The following ZNF804B variants were observed in gnomAD, a reference collection of about 807,000 sequenced individuals.
ZNF804B encodes the protein zinc finger 804B.
A neutral mutation model predicts 101.4 loss-of-function variants in ZNF804B; 80 were observed. The ratio of observed to expected loss-of-function variants is 0.79; its 90% confidence interval spans 0.66 to 0.95. The LOEUF (loss-of-function observed/expected upper bound fraction) is 0.95, where lower values mean the gene tolerates loss of function less well. Ranked by LOEUF, ZNF804B falls within the 40% of genes least tolerant of loss-of-function variation. The pLI is 0.00. For missense variants in ZNF804B, 1,673 were observed against 1,561.9 expected (o/e 1.07, Z -1.20); for synonymous variants, 622 against 558.8 (o/e 1.11, Z -1.59).
intron 1 of ZNF804B, among the ~76,000 whole-genome samples, chr7:89,093,220 T>C (rs1789922032): frequency 1.3e-5 from 2 of 152,184 alleles, no homozygotes; most frequent in South Asian, 4.1e-4. Context: ...AAATGATGCT[T>C]TTAAAACTGC....
intron 1 of ZNF804B, among the ~76,000 whole-genome samples, chr7:89,207,443 T>A (rs1195118613): frequency 1.3e-5 from 2 of 152,120 alleles, no homozygotes; most frequent in African/African-American, 4.8e-5. Flanking sequence ...TTCACTATCA[T>A]GAGAACAGCA....
intron 2 of ZNF804B, among the ~76,000 whole-genome samples, chr7:89,297,209 A>G (rs1457261755): frequency 2.6e-5 from 4 of 151,982 alleles, no homozygotes; most frequent in African/African-American, 9.7e-5. Context: ...ATGGCTTCCT[A>G]CTAAGTTCAA....
At chr7:89,303,562 T>G (rs1194245281) in intron 2 of ZNF804B, among the ~76,000 whole-genome samples, 2 of 151,954 alleles carry the variant, frequency 1.3e-5, no homozygotes, top group African/African-American at 4.8e-5. Context: ...CCAACATCTC[T>G]TAGCCTCAGT....
intron 1 of ZNF804B, among the ~76,000 whole-genome samples, chr7:88,793,914 T>C (rs576632120): frequency 1.3e-5 from 2 of 152,210 alleles, no homozygotes; most frequent in East Asian, 3.9e-4. Context: ...AAGTGTCAAT[T>C]CATGAAAATG....
chr7:88,764,998 C>T (rs1789958627), intron 1 of ZNF804B, among the ~76,000 whole-genome samples: 1 of 152,062 alleles, frequency 6.6e-6, no homozygotes, highest in Admixed American at 6.6e-5. Flanking sequence ...GCCTTTACAG[C>T]CATTTCTTCT....
chr7:89,090,117 C>T (rs1789860852), intron 1 of ZNF804B, among the ~76,000 whole-genome samples: 1 of 152,020 alleles, frequency 6.6e-6, no homozygotes, highest in Admixed American at 6.6e-5. Flanking sequence ...GCTTTCTCTT[C>T]CCATCATCAT....
intron 1 of ZNF804B, among the ~76,000 whole-genome samples, chr7:89,000,536 A>G (rs1301116491): frequency 6.6e-6 from 1 of 151,982 alleles, no homozygotes; most frequent in East Asian, 1.9e-4. Context: ...TGAATTAATC[A>G]AATTAGTTTA....
intron 1 of ZNF804B, among the ~76,000 whole-genome samples, chr7:89,024,699 T>G: frequency 7.3e-6 from 1 of 137,144 alleles, no homozygotes; most frequent in Non-Finnish European, 1.5e-5. Flanking sequence ...ATTAAGAGAG[T>G]ATCCAGTCCT....
chr7:88,858,618 A>G (rs1050429959), intron 1 of ZNF804B, among the ~76,000 whole-genome samples: 4 of 152,186 alleles, frequency 2.6e-5, no homozygotes, highest in Non-Finnish European at 4.4e-5. Context: ...CAGAATGAAC[A>G]TACTGGGGTA....
chr7:89,165,851 TGA>T (rs138608683), intron 1 of ZNF804B, among the ~76,000 whole-genome samples: 4,344 of 152,168 alleles, frequency 0.029, 78 homozygotes, highest in Non-Finnish European at 0.041. Flanking sequence ...AGAAAAGAAA[TGA>T]GAGAGTTTCT....
At chr7:89,006,267 C>A (rs1415419544) in intron 1 of ZNF804B, among the ~76,000 whole-genome samples, 3 of 151,968 alleles carry the variant, frequency 2.0e-5, no homozygotes, top group Non-Finnish European at 4.4e-5. Context: ...TTAAAAAAAT[C>A]TTTTAGACCA....
At chr7:88,864,156 ATTTG>A (rs1791691120) in intron 1 of ZNF804B, among the ~76,000 whole-genome samples, 1 of 152,050 alleles carries the variant, frequency 6.6e-6, no homozygotes. Context: ...ATTTTCTCGT[ATTTG>A]TTTGTTTTTA....
intron 1 of ZNF804B, among the ~76,000 whole-genome samples, chr7:88,865,530 T>C (rs547960977): frequency 6.6e-6 from 1 of 152,244 alleles, no homozygotes; most frequent in South Asian, 2.1e-4. Context: ...AGACCCTGTT[T>C]CTTCAAAATA....
intron 2 of ZNF804B, among the ~76,000 whole-genome samples, chr7:89,239,548 T>G (rs1789334672): frequency 6.6e-6 from 1 of 152,140 alleles, no homozygotes; most frequent in South Asian, 2.1e-4. Context: ...TTACTGTGCT[T>G]CTGAACATGT....
intron 1 of ZNF804B, among the ~76,000 whole-genome samples, chr7:89,045,060 A>G (rs376092838): frequency 4.7e-4 from 72 of 152,306 alleles, no homozygotes; most frequent in Admixed American, 3.1e-3. Context: ...CAGTTGGGAC[A>G]TGGTGTCCTG....
intron 1 of ZNF804B, among the ~76,000 whole-genome samples, chr7:88,775,427 G>A (rs574985208): frequency 1.3e-5 from 2 of 152,174 alleles, no homozygotes; most frequent in African/African-American, 4.8e-5. Context: ...ATCATCTCAA[G>A]TAGATAGATA....
chr7:89,325,873 A>C (rs2115979221), intron 2 of ZNF804B, among the ~76,000 whole-genome samples: 1 of 151,996 alleles, frequency 6.6e-6, no homozygotes, highest in Non-Finnish European at 1.5e-5. Context: ...TTTGTTCTTA[A>C]ATCATTTAGG....
intron 1 of ZNF804B, among the ~76,000 whole-genome samples, chr7:88,766,905 T>C (rs1195037822): frequency 6.6e-6 from 1 of 152,184 alleles, no homozygotes; most frequent in Non-Finnish European, 1.5e-5. Context: ...CAGTTTTCTT[T>C]TTTTCTTTGA....
At chr7:89,053,084 GT>G (rs1421865007) in intron 1 of ZNF804B, among the ~76,000 whole-genome samples, 1 of 152,068 alleles carries the variant, frequency 6.6e-6, no homozygotes, top group Non-Finnish European at 1.5e-5. Context: ...AATTATAACA[GT>G]TTTATGGTAT....
Sources: gnomAD v4.1 joint callset for allele counts (sites outside exome capture counted in the v4.1 genomes callset) on GRCh38, gnomAD v4.1.1 for gene constraint, MANE v1.5 for transcripts, NCBI Gene and HGNC (gene_info 2026-07-23, HGNC 2026-07-21) for gene names.